The following SMAD1 variants were observed in gnomAD, a reference collection of about 807,000 sequenced individuals.
SMAD1 encodes the protein SMAD family member 1.
SMAD1 carries 6 observed loss-of-function variants against 41.6 expected under a neutral mutation model. The observed-to-expected ratio is 0.14, with a 90% CI of 0.08 to 0.28. The LOEUF (loss-of-function observed/expected upper bound fraction) is 0.28. SMAD1 is among the 10% of genes least tolerant of loss of function. The pLI is 1.00. For missense variants in SMAD1, 379 were observed against 582.6 expected (o/e 0.65, Z 3.60); for synonymous variants, 206 against 203.2 (o/e 1.01, Z -0.12).
chr4:145,508,753 A>C (rs947614949), intron 1 of SMAD1, among the ~76,000 whole-genome samples: 1 of 152,172 alleles, frequency 6.6e-6, no homozygotes, highest in Non-Finnish European at 1.5e-5. Context: ...AAACAACAGA[A>C]ATTTATTTCT....
At chr4:145,544,812 G>A (rs1370497758) in intron 4 of SMAD1, 1 of 152,072 alleles carries the variant, frequency 6.6e-6, no homozygotes, top group Non-Finnish European at 1.5e-5. Flanking sequence ...CACATCTGTG[G>A]AATTTATATT....
At chr4:145,512,350 C>G (rs1304880299) in intron 1 of SMAD1, among the ~76,000 whole-genome samples, 2 of 152,124 alleles carry the variant, frequency 1.3e-5, no homozygotes, top group Non-Finnish European at 2.9e-5. Context: ...AGTCTTTCTT[C>G]TTTTCCTTTA....
intron 6 of SMAD1, among the ~76,000 whole-genome samples, chr4:145,555,678 TTACACTAATAAAAGGTATTTATAATGCAA>T (rs555234427): frequency 2.5e-3 from 377 of 152,334 alleles, no homozygotes; most frequent in Middle Eastern, 0.02. Flanking sequence ...AAAACAACCT[TTACACTAATAAAAGGTATTTATAATGCAA>T]AGTTATGCAT....
intron 1 of SMAD1, among the ~76,000 whole-genome samples, chr4:145,510,939 CT>C (rs1380294975): frequency 6.6e-6 from 1 of 152,050 alleles, no homozygotes; most frequent in South Asian, 2.1e-4. Flanking sequence ...ATAAAATGTC[CT>C]TTTTTTCTTT....
rs972286439 is a variant in SMAD1 at position 145,548,251 on chromosome 4, C to G, written c.997+1327C>G. On this transcript the variant is annotated intron_variant, in intron 5 of 6. Transcript: ENST00000302085. ...ATTTATATTTTATTTTTTTTTGAGA[C>G]GGAGTCTCCCTGTGTCACCCAGGCT... Among the ~76,000 whole-genome samples the G allele has an allele frequency of 8.6e-5, 13 of 150,986 alleles. No individual in the cohort carries two copies. In the East Asian group the frequency reaches 2.3e-3, roughly 27 times the overall value.
At chr4:145,485,048 C>T (rs373363035) in intron 1 of SMAD1, among the ~76,000 whole-genome samples, 1 of 152,122 alleles carries the variant, frequency 6.6e-6, no homozygotes, top group Non-Finnish European at 1.5e-5. Flanking sequence ...GCCATAGTCA[C>T]ACGTAGCTTT....
At chr4:145,506,359 A>G (rs1205567272) in intron 1 of SMAD1, among the ~76,000 whole-genome samples, 1 of 152,208 alleles carries the variant, frequency 6.6e-6, no homozygotes. Flanking sequence ...TCATTTGACA[A>G]TAGACCATTT....
At chr4:145,492,686 G>A (rs1243066265) in intron 1 of SMAD1, among the ~76,000 whole-genome samples, 2 of 152,206 alleles carry the variant, frequency 1.3e-5, no homozygotes, top group East Asian at 3.9e-4. Context: ...GTTGGAGGGT[G>A]GGGCTGAAAG....
chr4:145,548,342 C>T (rs981419747), intron 5 of SMAD1, among the ~76,000 whole-genome samples: 2 of 152,010 alleles, frequency 1.3e-5, no homozygotes, highest in Non-Finnish European at 2.9e-5. Context: ...GATTCTTGTG[C>T]CTCAGCCTCC....
chr4:145,525,378 A>G (rs1054114788), intron 2 of SMAD1, among the ~76,000 whole-genome samples: 3 of 152,294 alleles, frequency 2.0e-5, no homozygotes, highest in African/African-American at 7.2e-5. Context: ...GGAGATGGGG[A>G]AGCAACAAGG....
At chr4:145,543,054 C>T (rs1732044883) in intron 4 of SMAD1, among the ~76,000 whole-genome samples, 1 of 152,038 alleles carries the variant, frequency 6.6e-6, no homozygotes, top group East Asian at 1.9e-4. Context: ...GCAACCTCCA[C>T]CTCCCAGGTT....
At chr4:145,541,950 A>G (rs1731969288) in intron 3 of SMAD1, among the ~76,000 whole-genome samples, 1 of 152,260 alleles carries the variant, frequency 6.6e-6, no homozygotes, top group South Asian at 2.1e-4. Flanking sequence ...CAGAAGAAAC[A>G]TATATGTAAA....
intron 1 of SMAD1, among the ~76,000 whole-genome samples, chr4:145,489,137 T>G (rs901926478): frequency 6.6e-6 from 1 of 152,188 alleles, no homozygotes; most frequent in African/African-American, 2.4e-5. Flanking sequence ...AAAAATTAAT[T>G]TATGTTTCAG....
At chr4:145,511,291 A>G (rs979947930) in intron 1 of SMAD1, among the ~76,000 whole-genome samples, 2 of 136,190 alleles carry the variant, frequency 1.5e-5, no homozygotes, top group African/African-American at 7.4e-5. Context: ...TTTTTATTTG[A>G]TTTTTAGAGA....
At chr4:145,513,971 G>T (rs764146231) in intron 1 of SMAD1, among the ~76,000 whole-genome samples, 1 of 152,138 alleles carries the variant, frequency 6.6e-6, no homozygotes, top group South Asian at 2.1e-4. Context: ...AGTCTGCTTT[G>T]GTTGCCATAA....
intron 6 of SMAD1, among the ~76,000 whole-genome samples, chr4:145,554,844 C>G (rs1473244338): frequency 6.6e-6 from 1 of 152,144 alleles, no homozygotes; most frequent in African/African-American, 2.4e-5. Context: ...CTTTGAGAAA[C>G]AGAACTAATT....
At chr4:145,533,365 A>G (rs1358343270) in intron 2 of SMAD1, among the ~76,000 whole-genome samples, 1 of 152,238 alleles carries the variant, frequency 6.6e-6, no homozygotes, top group Non-Finnish European at 1.5e-5. Flanking sequence ...TATCCCAGGC[A>G]AGCTAGAACT....
intron 1 of SMAD1, among the ~76,000 whole-genome samples, chr4:145,492,716 C>T (rs1321603123): frequency 6.6e-6 from 1 of 152,224 alleles, no homozygotes; most frequent in African/African-American, 2.4e-5. Context: ...TCTAATCTTG[C>T]CACCATCCTA....
intron 2 of SMAD1, among the ~76,000 whole-genome samples, chr4:145,532,717 C>T (rs1011184766): frequency 1.3e-5 from 2 of 152,094 alleles, no homozygotes; most frequent in Non-Finnish European, 2.9e-5. Context: ...AAAGTGGTTC[C>T]CCAGAAAAGT....
Sources: allele counts gnomAD v4.1 joint callset (sites outside exome capture counted in the v4.1 genomes callset), GRCh38; gene constraint gnomAD v4.1.1; transcripts MANE v1.5; gene names NCBI Gene and HGNC (gene_info 2026-07-23, HGNC 2026-07-21).